The following HSPA4L variants were observed in gnomAD, a reference collection of about 807,000 sequenced individuals.
HSPA4L encodes heat shock protein family A (Hsp70) member 4 like.
In HSPA4L, 48 loss-of-function variants were observed where a neutral mutation model predicts 100.3. That is an observed-to-expected ratio of 0.48 (90% CI 0.38 to 0.61). The LOEUF (loss-of-function observed/expected upper bound fraction) is 0.61. HSPA4L is among the 20% of genes least tolerant of loss of function. HSPA4L has a pLI of 0.00. For synonymous variants in HSPA4L, 319 were observed against 328.2 expected (o/e 0.97, Z 0.30); for missense variants, 886 against 988.6 (o/e 0.90, Z 1.39).
At chr4:127,818,511 TTTGA>T in intron 13 of HSPA4L, 91 bp downstream of exon 13, 1 of 677,980 alleles carries the variant, frequency 1.5e-6, no homozygotes, top group Non-Finnish European at 2.4e-6. Flanking sequence ...ACTTGATATT[TTTGA>T]TCTTAGAATT....
chr4:127,800,661 G>A (rs1222758907), intron 4 of HSPA4L, among the ~76,000 whole-genome samples: 2 of 151,932 alleles, frequency 1.3e-5, no homozygotes, highest in African/African-American at 4.8e-5. Context: ...GTGTATATAC[G>A]CACGATAATG....
At chr4:127,805,665 A>G (rs755179832) in intron 9 of HSPA4L, 22 bp from the exon 10 acceptor site, 2 of 1,539,954 alleles carry the variant, frequency 1.3e-6, no homozygotes, top group Non-Finnish European at 1.8e-6. Context: ...TGATTTAAAT[A>G]TGGTATACAT....
intron 16 of HSPA4L, among the ~76,000 whole-genome samples, chr4:127,825,150 A>C (rs1489804875): frequency 1.3e-5 from 2 of 152,116 alleles, no homozygotes; most frequent in Non-Finnish European, 2.9e-5. Flanking sequence ...AAAAAAAAAA[A>C]AACACGTTTA....
At chr4:127,787,959 G>A (rs1396172247) in intron 1 of HSPA4L, among the ~76,000 whole-genome samples, 1 of 152,250 alleles carries the variant, frequency 6.6e-6, no homozygotes, top group Non-Finnish European at 1.5e-5. Context: ...TAGGTTGCAG[G>A]TAGTGGTAGT....
In HSPA4L at chr4:127,830,714, T is replaced by C; in HGVS notation, c.2243T>C (p.Leu748Pro). The C allele has an allele frequency of 1.2e-6, 2 of 1,610,962 alleles. No homozygotes were observed. The highest frequency in any genetic ancestry group is 1.7e-6 in the Non-Finnish European group (2 of 1,178,536). The change falls in exon 18 of 19, where the codon CTG becomes CCG. Residue 748 changes from leucine (L) to proline (P), a missense_variant. Coordinates refer to ENST00000296464, the MANE Select transcript of HSPA4L (RefSeq NM_014278.4). Reference sequence around the variant, plus strand: ...TGTATCAGTGATGCCATGAGTTGGCTGAATAGTAAGATGAATGCACAGAAC... The same window carrying C: ...TGTATCAGTGATGCCATGAGTTGGCCGAATAGTAAGATGAATGCACAGAAC... ...EKCISDAMSW[L>P]NSKMNAQNKL...
intron 11 of HSPA4L, among the ~76,000 whole-genome samples, chr4:127,808,981 G>C: frequency 1.3e-5 from 1 of 79,090 alleles, no homozygotes; most frequent in Admixed American, 1.7e-4. Context: ...ATTTTTTACT[G>C]AAAAACTTTA....
At chr4:127,820,645 T>C in intron 14 of HSPA4L, 80 bp downstream of exon 14, 4 of 1,331,830 alleles carry the variant, frequency 3.0e-6, no homozygotes, top group Non-Finnish European at 4.2e-6. Context: ...ATCTCCAAAA[T>C]TTAGGGCACT....
chr4:127,822,263 A>G (rs1245280548), intron 14 of HSPA4L, among the ~76,000 whole-genome samples: 2 of 152,138 alleles, frequency 1.3e-5, no homozygotes, highest in Admixed American at 6.5e-5. Context: ...GGGATTATAC[A>G]ATGCTTGTCC....
At chr4:127,805,950 A>G (rs1179293116) in intron 10 of HSPA4L, among the ~76,000 whole-genome samples, 157 bp downstream of exon 10, 1 of 152,076 alleles carries the variant, frequency 6.6e-6, no homozygotes, top group African/African-American at 2.4e-5. Flanking sequence ...TCACCTATAA[A>G]TCATAATTGG....
intron 12 of HSPA4L, 44 bp from the exon 13 acceptor site, chr4:127,818,277 CAAAA>C (rs745815461): frequency 4.1e-5 from 55 of 1,326,042 alleles, no homozygotes; most frequent in Non-Finnish European, 5.5e-5. Flanking sequence ...ATTTTTAAAA[CAAAA>C]AAAAGACACT....
chr4:127,803,544 C>A, intron 6 of HSPA4L, 85 bp from the exon 7 acceptor site: 1 of 1,329,726 alleles, frequency 7.5e-7, no homozygotes, highest in South Asian at 1.8e-5. Flanking sequence ...TTTATTTTTA[C>A]ATTTTTTTAT....
rs780385437 is a variant in HSPA4L, at chr4:127,805,171, A to T, written c.1084A>T (p.Ile362Leu). 1.2e-6 allele frequency: 2 copies of T among 1,612,312 alleles called. No homozygotes were observed. Among genetic ancestry groups the T allele is most frequent in the Admixed American group, 1.7e-5 (1 of 59,898 alleles). The change falls in exon 9 of 19, where the codon ATA becomes TTA. Residue 362 changes from isoleucine to leucine, a missense_variant. Ile to Leu is a conservative substitution (Grantham distance 5). Coordinates refer to ENST00000296464, the MANE Select transcript of HSPA4L (RefSeq NM_014278.4). ...EQITKFFLKDISTTLNADEAV... is the reference protein window; with the variant it reads ...EQITKFFLKDLSTTLNADEAV... Reference sequence around the variant, plus strand: ...AATCACTAAATTCTTTCTTAAAGACATAAGTACCACATTAAATGCTGATGA... The same window carrying T: ...AATCACTAAATTCTTTCTTAAAGACTTAAGTACCACATTAAATGCTGATGA...
intron 6 of HSPA4L, among the ~76,000 whole-genome samples, chr4:127,803,045 G>T (rs1733237793): frequency 6.6e-6 from 1 of 152,086 alleles, no homozygotes; most frequent in African/African-American, 2.4e-5. Context: ...ACTCTCTTCT[G>T]CTGGGAAGCC....
chr4:127,816,075 G>A (rs994542948), intron 12 of HSPA4L, among the ~76,000 whole-genome samples: 4 of 152,026 alleles, frequency 2.6e-5, no homozygotes, highest in African/African-American at 9.7e-5. Context: ...AATTGAGAGG[G>A]TAAATCAAGC....
chr4:127,818,243 T>C (rs561187221), intron 12 of HSPA4L, 82 bp from the exon 13 acceptor site: 2 of 894,486 alleles, frequency 2.2e-6, no homozygotes, highest in Non-Finnish European at 3.6e-6. Flanking sequence ...CAAAACAGGC[T>C]TGAACTCTTA....
intron 16 of HSPA4L, among the ~76,000 whole-genome samples, chr4:127,824,872 C>G (rs1042208908): frequency 6.6e-6 from 1 of 152,226 alleles, no homozygotes; most frequent in African/African-American, 2.4e-5. Context: ...CGCAGTGGCT[C>G]ACGCCTCTAA....
chr4:127,786,468 T>C (rs1732721298), intron 1 of HSPA4L, among the ~76,000 whole-genome samples: 1 of 152,186 alleles, frequency 6.6e-6, no homozygotes, highest in South Asian at 2.1e-4. Flanking sequence ...TTTTAATAAT[T>C]CCTAAAAATT....
At chr4:127,805,553 C>A in intron 9 of HSPA4L, 134 bp from the exon 10 acceptor site, 1 of 605,076 alleles carries the variant, frequency 1.7e-6, no homozygotes. Context: ...ATTTTCACTT[C>A]TCATTGCCAA....
At position 127,827,372 on chromosome 4, in the gene HSPA4L, T is replaced by C. The variant is rs755721610; in HGVS notation, c.2114T>C (p.Leu705Ser). The part of the protein sequence containing the change: ...HEERPKALND[L>S]GKKIQLVMKV... ...GAGAGACCAAAAGCCTTAAATGACTTGGGAAAAAAGATCCAACTTGTCATG... is the reference window on the plus strand; with the variant it reads ...GAGAGACCAAAAGCCTTAAATGACTCGGGAAAAAAGATCCAACTTGTCATG... Residue 705 changes from leucine to serine, a missense_variant, in exon 17 of 19, where the codon TTG becomes TCG. Transcript: ENST00000296464. The C allele has an allele frequency of 1.2e-6, 2 of 1,613,614 alleles. No homozygotes were observed. The highest frequency in any genetic ancestry group is 1.7e-6 in the Non-Finnish European group (2 of 1,179,678).
Sources: allele counts gnomAD v4.1 joint callset (sites outside exome capture counted in the v4.1 genomes callset), GRCh38; gene constraint gnomAD v4.1.1; transcripts MANE v1.5; gene names NCBI Gene and HGNC (gene_info 2026-07-23, HGNC 2026-07-21).